UBE2T: variants seen among roughly 807,000 people sequenced by gnomAD.
The protein encoded by UBE2T is ubiquitin-conjugating enzyme E2 T.
Under a neutral mutation model 23.3 loss-of-function variants are expected in UBE2T, and 15 were observed. That is an observed-to-expected ratio of 0.64 (90% confidence interval 0.43 to 0.99). UBE2T has a LOEUF of 0.99. Among genes scored for constraint, UBE2T ranks in the 50% least tolerant of loss-of-function variants. UBE2T has a pLI of 0.00. For synonymous variants in UBE2T, 67 were observed against 78.4 expected (o/e 0.85, Z 0.77); for missense variants, 197 against 234.9 (o/e 0.84, Z 1.05).
At chr1:202,332,924 A>G (rs1018180249) in intron 6 of UBE2T, 86 bp downstream of exon 6, 1 of 417,902 alleles carries the variant, frequency 2.4e-6, no homozygotes, top group Non-Finnish European at 3.5e-6. Flanking sequence ...AAAAAAAAAA[A>G]AAAAAAAAAA....
chr1:202,337,207 C>CT (rs1355248443), intron 1 of UBE2T, among the ~76,000 whole-genome samples: 4 of 152,184 alleles, frequency 2.6e-5, no homozygotes, highest in Non-Finnish European at 5.9e-5. Flanking sequence ...TCCCAAAGTG[C>CT]TAGGATTACA....
At position 202,331,949 on chromosome 1, in the gene UBE2T, T is replaced by C; in HGVS notation, c.480A>G (p.Glu160=). The change falls in exon 7 of 7, where the codon GAA becomes GAG. Residue 160 remains glutamate, a synonymous_variant. Transcript: ENST00000646651. ...CCTCTGGTAGATTATCAAGCATCTC[T>C]TCCTCATCAGCCTAAAGAGGAGACA... The part of the protein sequence containing the change: ...HARQKQKADE[E]EMLDNLPEAG... The C allele has an allele frequency of 1.1e-5, 18 of 1,613,732 alleles. No homozygotes were observed. The highest frequency in any genetic ancestry group is 1.5e-5 in the Non-Finnish European group (18 of 1,179,718).
chr1:202,335,651 C>A lies in UBE2T; in HGVS notation c.104G>T (p.Arg35Leu). 6.2e-7 allele frequency: 1 copy of A among 1,613,872 alleles called. No individual in the cohort carries two copies. The highest frequency in any genetic ancestry group is 1.1e-5 in the South Asian group (1 of 91,056). The stretch of plus-strand genomic sequence containing the variant: ...ATACATGATTTGATACCTACGAGCT[C>A]GCAGGTCATCCATTTGGTCTTTATC... ...WQDKDQMDDL[R>L]AQILGGANTP... Residue 35 changes from arginine (R) to leucine (L), a missense_variant, in exon 2 of 7, where the codon CGA becomes CTA. Physicochemically the swap from Arg to Leu is moderately radical, Grantham distance 102. Coordinates refer to ENST00000646651, the MANE Select transcript of UBE2T (RefSeq NM_014176.4). This position sits in a 1 kb window ranked among gnomAD's most constrained non-coding sequence, Gnocchi z 4.0.
At chr1:202,334,260 A>C (rs545390327) in intron 3 of UBE2T, among the ~76,000 whole-genome samples, 2 of 152,308 alleles carry the variant, frequency 1.3e-5, no homozygotes, top group South Asian at 4.1e-4. Flanking sequence ...AAAGAACGAG[A>C]TCATGGTCTT....
In UBE2T at chr1:202,335,534, C is replaced by A; in HGVS notation, c.109+112G>T. 1 of 978,098 alleles carries A rather than the reference C, an allele frequency of 1.0e-6. No individual in the cohort carries two copies. The highest frequency in any genetic ancestry group is 1.5e-6 in the Non-Finnish European group (1 of 652,924). 60.6% of individuals were successfully genotyped at this position (978,098 alleles called of 1,614,324 possible). On this transcript the variant is annotated intron_variant, in intron 2 of 6. Transcript: ENST00000646651. This position sits in a 1 kb window ranked among gnomAD's most constrained non-coding sequence, Gnocchi z 4.0. ...AAATTTGGGTAGAAAGATGGTAGGG[C>A]ACTCTGACCTTATAACTGCTCCTTA...
At position 202,338,572 on chromosome 1, in the gene UBE2T, T is replaced by C. The variant is rs141657391; in HGVS notation, c.-64-2754A>G. On this transcript the variant is annotated intron_variant, in intron 1 of 6. Coordinates refer to ENST00000646651, the MANE Select transcript of UBE2T (RefSeq NM_014176.4). The stretch of plus-strand genomic sequence containing the variant: ...TTAGTAATGCTAATGATGAATCTAT[T>C]TGGGGTGGGGAGCAGTCTGGGAATG... 2.6e-3 allele frequency among the ~76,000 whole-genome samples: 390 copies of C among 152,250 alleles called. 3 individuals are homozygous for C. Among genetic ancestry groups the C allele is most frequent in the African/African-American group, 8.9e-3 (369 of 41,548 alleles).
At position 202,331,768 on chromosome 1, in the gene UBE2T, T is replaced by C. The variant is rs1048855915; in HGVS notation, c.*67A>G. On this transcript the variant is annotated 3_prime_UTR_variant, in exon 7 of 7. Transcript: ENST00000646651. ...TCATCAAATATATTTAAAAAAAAATTCAAGGTAGGCAACTTAGATCACCTT... is the reference window on the plus strand; with the variant it reads ...TCATCAAATATATTTAAAAAAAAATCCAAGGTAGGCAACTTAGATCACCTT... 1.9e-6 allele frequency: 3 copies of C among 1,575,834 alleles called. No homozygotes were observed. The highest frequency in any genetic ancestry group is 2.7e-5 in the African/African-American group (2 of 72,916).
intron 3 of UBE2T, 151 bp from the exon 4 acceptor site, chr1:202,333,706 C>T: frequency 1.5e-6 from 1 of 668,222 alleles, no homozygotes; most frequent in Non-Finnish European, 2.5e-6. Flanking sequence ...CCTAAATTTT[C>T]ACTATGAAAA....
Position 202,339,530 on chromosome 1 carries a change from T to TG in UBE2T, c.-65+2364dup, listed in dbSNP as rs1474626088. Reference sequence around the variant, plus strand: ...TTTCTTAAAAATAAAGATTTTTTGCTGGAAGTGTTTTGTACTTCAAGATCA... The same window carrying TG: ...TTTCTTAAAAATAAAGATTTTTTGCTGGGAAGTGTTTTGTACTTCAAGATCA... On this transcript the variant is annotated intron_variant, in intron 1 of 6. Transcript: ENST00000646651. Among the ~76,000 whole-genome samples, 7 of 147,892 alleles carry TG rather than the reference T, an allele frequency of 4.7e-5. No homozygotes were observed. The South Asian group carries it at 1.5e-3, about 31-fold the overall frequency.
At chr1:202,340,505 C>T (rs913493548) in intron 1 of UBE2T, among the ~76,000 whole-genome samples, 1 of 150,734 alleles carries the variant, frequency 6.6e-6, no homozygotes, top group African/African-American at 2.4e-5. Context: ...CAGAGCGAGA[C>T]CCTTTCTTAA....
chr1:202,339,927 A>G (rs1026632087), intron 1 of UBE2T, among the ~76,000 whole-genome samples: 1 of 152,016 alleles, frequency 6.6e-6, no homozygotes, highest in African/African-American at 2.4e-5. Context: ...CCAGCTTGTG[A>G]GGCCTGGCAC....
Position 202,331,806 on chromosome 1 carries a change from A to G in UBE2T, c.*29T>C. ...CTTAGATCACCTTGGCAAAGAACAC[A>G]TTAACTAAGATGAACCAGGACAAGT... On this transcript the variant is annotated 3_prime_UTR_variant, in exon 7 of 7. Transcript: ENST00000646651. The G allele has an allele frequency of 6.2e-7, 1 of 1,613,578 alleles. No homozygotes were observed. Among genetic ancestry groups the G allele is most frequent in the Non-Finnish European group, 8.5e-7 (1 of 1,179,738 alleles).
Position 202,335,704 on chromosome 1 carries a change from C to G in UBE2T, c.51G>C (p.Glu17Asp), listed in dbSNP as rs939848435. The change falls in exon 2 of 7, where the codon GAG (glutamate) becomes GAC (aspartate). Residue 17 changes from glutamate (E) to aspartate (D), a missense_variant. Glu to Asp is a conservative substitution (Grantham distance 45). Transcript: ENST00000646651. This position sits in a 1 kb window ranked among gnomAD's most constrained non-coding sequence, Gnocchi z 4.0. ...GCCAACATGTGATGCCTGGGGGTGG[C>G]TCTGTGGCTAACATGTGCAGCTCTC... ...LKRELHMLAT[E>D]PPPGITCWQD... 4.3e-6 allele frequency: 7 copies of G among 1,614,108 alleles called. No individual in the cohort carries two copies. The South Asian group carries it at 7.7e-5, about 18-fold the overall frequency.
intron 1 of UBE2T, among the ~76,000 whole-genome samples, chr1:202,337,095 A>C (rs1441281471): frequency 6.6e-6 from 1 of 152,074 alleles, no homozygotes; most frequent in Non-Finnish European, 1.5e-5. Flanking sequence ...GACGCCCGCC[A>C]CCACGCCCGG....
intron 1 of UBE2T, among the ~76,000 whole-genome samples, chr1:202,340,795 G>A (rs890169401): frequency 3.9e-5 from 6 of 152,130 alleles, no homozygotes; most frequent in African/African-American, 1.4e-4. Context: ...ATTAGAACAA[G>A]CAAGACAATT....
rs769392145 is a variant in UBE2T, at chr1:202,333,517, G to A, written c.218C>T (p.Pro73Leu). ...FEPPQIRFLT[P>L]IYHPNIDSAG... ...AGAATCAATGTTTGGATGATAAATT[G>A]GAGTGAGAAATCGGATCTGAGGAGG... is the stretch of plus-strand genomic sequence containing the variant. Residue 73 changes from proline to leucine, a missense_variant, in exon 4 of 7, where the codon CCA (proline) becomes CTA (leucine). Pro to Leu is a moderately conservative substitution (Grantham distance 98, BLOSUM62 -3). Coordinates refer to ENST00000646651, the MANE Select transcript of UBE2T (RefSeq NM_014176.4). 4 of 1,614,092 alleles carry A rather than the reference G, an allele frequency of 2.5e-6. No homozygotes were observed. The Admixed American group carries it at 6.7e-5, about 27-fold the overall frequency.
intron 3 of UBE2T, 121 bp downstream of exon 3, chr1:202,334,867 CT>C (rs1654848729): frequency 1.1e-6 from 1 of 876,970 alleles, no homozygotes; most frequent in South Asian, 2.0e-5. Context: ...TCGAGGTCAC[CT>C]TAAGTCATGA....
intron 1 of UBE2T, among the ~76,000 whole-genome samples, chr1:202,340,445 C>T (rs1227180262): frequency 2.7e-5 from 4 of 146,036 alleles, no homozygotes; most frequent in Non-Finnish European, 6.0e-5. Context: ...ACCAGGAAGG[C>T]GGAGGTTGCA....
Position 202,335,544 on chromosome 1 carries a change from T to C in UBE2T, c.109+102A>G. ...AGAAAGATGGTAGGGCACTCTGACCTTATAACTGCTCCTTACTTTAGAAGA... is the reference window on the plus strand; with the variant it reads ...AGAAAGATGGTAGGGCACTCTGACCCTATAACTGCTCCTTACTTTAGAAGA... On this transcript the variant is annotated intron_variant, in intron 2 of 6. Transcript: ENST00000646651. The surrounding 1 kb of genome is among the most constrained non-coding windows in gnomAD (Gnocchi z 4.0). 1 of 1,193,064 alleles carries C rather than the reference T, an allele frequency of 8.4e-7. No individual in the cohort carries two copies. Among genetic ancestry groups the C allele is most frequent in the Non-Finnish European group, 1.2e-6 (1 of 826,588 alleles). 73.9% of individuals were successfully genotyped at this position (1,193,064 alleles called of 1,614,324 possible). A position where few individuals can be genotyped will look rare whatever the true frequency, so the allele number is the denominator to read the frequency against.
Sources: allele counts gnomAD v4.1 joint callset (sites outside exome capture counted in the v4.1 genomes callset), GRCh38; gene constraint gnomAD v4.1.1; non-coding constraint Gnocchi (gnomAD v3.1); transcripts MANE v1.5; gene names NCBI Gene and HGNC (gene_info 2026-07-23, HGNC 2026-07-21).